TEAD4: variants seen among roughly 807,000 people sequenced by gnomAD.
TEAD4 encodes the protein TEA domain transcription factor 4.
TEAD4 carries 36 observed loss-of-function variants against 52.4 expected under a neutral mutation model. That is an observed-to-expected ratio of 0.69 (90% CI 0.53 to 0.91). The LOEUF (loss-of-function observed/expected upper bound fraction) is 0.91, where lower values mean the gene tolerates loss of function less well. Among genes scored for constraint, TEAD4 ranks in the 40% least tolerant of loss-of-function variants. TEAD4 has a pLI of 0.00. For synonymous variants in TEAD4, 220 were observed against 231.0 expected (o/e 0.95, Z 0.43); for missense variants, 508 against 583.9 (o/e 0.87, Z 1.34).
chr12:3,003,288 C>T (rs1446237037), intron 3 of TEAD4, among the ~76,000 whole-genome samples: 1 of 152,202 alleles, frequency 6.6e-6, no homozygotes, highest in Admixed American at 6.5e-5. Flanking sequence ...AATAGGGCTT[C>T]GTTAACAATA....
intron 2 of TEAD4, among the ~76,000 whole-genome samples, chr12:2,969,118 A>G (rs546218442): frequency 5.3e-5 from 8 of 152,350 alleles, no homozygotes; most frequent in Non-Finnish European, 8.8e-5. Flanking sequence ...ACATAAAACT[A>G]GTGGGCCCTC....
intron 3 of TEAD4, among the ~76,000 whole-genome samples, chr12:3,005,548 G>A (rs1292646799): frequency 1.3e-5 from 2 of 151,956 alleles, no homozygotes; most frequent in East Asian, 3.8e-4. Context: ...CCAGGCTGGA[G>A]TGCAATGGTG....
intron 10 of TEAD4, among the ~76,000 whole-genome samples, chr12:3,035,749 G>T (rs2098278961): frequency 6.7e-6 from 1 of 148,976 alleles, no homozygotes; most frequent in Non-Finnish European, 1.5e-5. Context: ...GAATCCAGGA[G>T]TTCGAGGCTG....
intron 10 of TEAD4, among the ~76,000 whole-genome samples, chr12:3,034,292 T>G (rs2098277935): frequency 6.6e-6 from 1 of 151,820 alleles, no homozygotes; most frequent in African/African-American, 2.4e-5. Context: ...CAGGACAGGG[T>G]AGGTTCCTGC....
At chr12:3,019,223 T>C in intron 8 of TEAD4, 53 bp downstream of exon 8, 1 of 1,605,894 alleles carries the variant, frequency 6.2e-7, no homozygotes, top group Non-Finnish European at 8.5e-7. Context: ...GGCTCCTGCC[T>C]CTGGGTCCAG....
intron 8 of TEAD4, 27 bp from the exon 9 acceptor site, chr12:3,020,607 T>C: frequency 6.6e-7 from 1 of 1,509,190 alleles, no homozygotes. Flanking sequence ...GTGACCAGGT[T>C]CCATGTGCCT....
At chr12:3,027,143 T>C (rs1415722706) in intron 10 of TEAD4, among the ~76,000 whole-genome samples, 7 of 151,990 alleles carry the variant, frequency 4.6e-5, no homozygotes, top group Non-Finnish European at 1.0e-4. Flanking sequence ...AGGTGCCCGC[T>C]ACCACGCTTG....
chr12:2,969,936 G>C (rs1173930576), intron 2 of TEAD4, among the ~76,000 whole-genome samples: 4 of 152,124 alleles, frequency 2.6e-5, no homozygotes, highest in Non-Finnish European at 4.4e-5. Flanking sequence ...CATTTAAAAA[G>C]TAAAAAGAGC....
intron 2 of TEAD4, among the ~76,000 whole-genome samples, chr12:2,988,311 C>T (rs941107690): frequency 1.3e-5 from 2 of 150,916 alleles, no homozygotes; most frequent in Non-Finnish European, 3.0e-5. Context: ...TCAGGAGTTC[C>T]AGACCAGCCT....
intron 2 of TEAD4, among the ~76,000 whole-genome samples, chr12:2,962,346 A>ATATTTTTT (rs1350931012): frequency 2.9e-4 from 37 of 128,056 alleles, no homozygotes; most frequent in African/African-American, 1.0e-3. Context: ...ATATATATAT[A>ATATTTTTT]TTTTTTGAGA....
At chr12:3,002,493 C>T (rs1488628544) in intron 3 of TEAD4, among the ~76,000 whole-genome samples, 4 of 152,236 alleles carry the variant, frequency 2.6e-5, no homozygotes, top group Non-Finnish European at 5.9e-5. Context: ...GTTCTGATTT[C>T]GCATATCCTC....
rs370623940 is a variant in TEAD4 at position 3,037,919 on chromosome 12, G to A, written c.898-49G>A. 5 of 1,585,220 alleles carry A rather than the reference G, an allele frequency of 3.2e-6. No individual in the cohort carries two copies. The African/African-American group carries it at 5.4e-5, about 17-fold the overall frequency. ...TGAGGTCTCCTTGATGCTCCCGTCT[G>A]ACATGGCACCTGCTGACACTCCCTC... On this transcript the variant is annotated intron_variant, in intron 10 of 12. Coordinates refer to ENST00000359864, the MANE Select transcript of TEAD4 (RefSeq NM_003213.4).
At chr12:3,031,761 C>G (rs2098275729) in intron 10 of TEAD4, among the ~76,000 whole-genome samples, 1 of 152,228 alleles carries the variant, frequency 6.6e-6, no homozygotes, top group African/African-American at 2.4e-5. Context: ...GAGGTACAGA[C>G]AGGTAGAATC....
rs34434172 is a variant in TEAD4, at chr12:2,971,814, C to CTT, written c.-30+11789_-30+11790dup. Among the ~76,000 whole-genome samples the CTT allele has an allele frequency of 2.2e-4, 24 of 110,438 alleles. No individual in the cohort carries two copies. In the South Asian group the frequency reaches 2.7e-3, roughly 12 times the overall value. The allele number at this position is 110,438 out of a possible 152,430, so 72.5% of individuals were successfully genotyped here. On this transcript the variant is annotated intron_variant, in intron 2 of 12. Transcript: ENST00000359864. Reference sequence around the variant, plus strand: ...TATATCCTTTTTTTTTTCTTTCTTTCTTTTTTTTTTTTTTTTGAGGTGAAG... The same window carrying CTT: ...TATATCCTTTTTTTTTTCTTTCTTTCTTTTTTTTTTTTTTTTTTGAGGTGAAG...
At chr12:3,038,748 T>C (rs956242279) in intron 11 of TEAD4, among the ~76,000 whole-genome samples, 4 of 152,156 alleles carry the variant, frequency 2.6e-5, no homozygotes, top group African/African-American at 7.2e-5. Context: ...CCGGTGCGTG[T>C]CTGGGGGGTT....
chr12:3,040,215 A>G lies in TEAD4; in HGVS notation c.1147A>G (p.Lys383Glu), dbSNP rs766970807. 6.2e-7 allele frequency: 1 copy of G among 1,614,236 alleles called. No individual in the cohort carries two copies. The highest frequency in any genetic ancestry group is 8.5e-7 in the Non-Finnish European group (1 of 1,180,044). Residue 383 changes from lysine (K) to glutamate (E), a missense_variant, in exon 12 of 13, where the codon AAG (lysine) becomes GAG (glutamate). Transcript: ENST00000359864. ...CCACAAGCTCAAGCACCTCCCTGAG[A>G]AGTACATGATGAACAGCGTGCTGGA...
chr12:3,035,164 C>T (rs745471545), intron 10 of TEAD4, among the ~76,000 whole-genome samples: 1 of 151,914 alleles, frequency 6.6e-6, no homozygotes, highest in Non-Finnish European at 1.5e-5. Context: ...GAATAGAATC[C>T]TTGATTTCAT....
intron 10 of TEAD4, among the ~76,000 whole-genome samples, chr12:3,027,095 A>G (rs2098272551): frequency 6.6e-6 from 1 of 151,892 alleles, no homozygotes; most frequent in Non-Finnish European, 1.5e-5. Context: ...CTATTCAAGC[A>G]ATTCTCCTGC....
chr12:2,973,399 T>C (rs1238264317), intron 2 of TEAD4, among the ~76,000 whole-genome samples: 1 of 152,198 alleles, frequency 6.6e-6, no homozygotes, highest in Non-Finnish European at 1.5e-5. Context: ...GGATACAGGT[T>C]CTTTGTCAGG....
Sources: allele counts gnomAD v4.1 joint callset (sites outside exome capture counted in the v4.1 genomes callset), GRCh38; gene constraint gnomAD v4.1.1; transcripts MANE v1.5; gene names NCBI Gene and HGNC (gene_info 2026-07-23, HGNC 2026-07-21).